CSMD1: variants seen among roughly 807,000 people sequenced by gnomAD.
The protein encoded by CSMD1 is CUB and sushi domain-containing protein 1.
In CSMD1, 213 loss-of-function variants were observed where a neutral mutation model predicts 417.5. That is an observed-to-expected ratio of 0.51 (90% CI 0.46 to 0.57). The LOEUF is 0.57. Ranked by LOEUF, CSMD1 falls within the 20% of genes least tolerant of loss-of-function variation. The pLI, the probability that CSMD1 is intolerant of heterozygous loss-of-function variation, is 0.00. For synonymous variants in CSMD1, 2,862 were observed against 1,736.8 expected, an observed-to-expected ratio of 1.65 and a Z score of -16.11; for missense variants, 6,923 against 4,529.7, an observed-to-expected ratio of 1.53 and a Z score of -15.17.
intron 2 of CSMD1, among the ~76,000 whole-genome samples, chr8:4,422,293 T>G (rs62481000): frequency 7.9e-5 from 12 of 151,932 alleles, no homozygotes; most frequent in African/African-American, 2.4e-4. Context: ...TTTTGTGGCA[T>G]TGACACTACC....
chr8:2,982,319 G>A (rs940964638), intron 54 of CSMD1, among the ~76,000 whole-genome samples: 2 of 152,170 alleles, frequency 1.3e-5, no homozygotes, highest in African/African-American at 4.8e-5. Context: ...TCATGCCACT[G>A]CACTGCAGCC....
chr8:3,305,173 C>T (rs903109769), intron 25 of CSMD1, among the ~76,000 whole-genome samples: 5 of 152,164 alleles, frequency 3.3e-5, no homozygotes, highest in African/African-American at 9.7e-5. Flanking sequence ...GTGTGAGCCG[C>T]TATGCCTGGC....
At chr8:4,556,468 C>G (rs1466872238) in intron 2 of CSMD1, among the ~76,000 whole-genome samples, 1 of 152,116 alleles carries the variant, frequency 6.6e-6, no homozygotes, top group East Asian at 1.9e-4. Flanking sequence ...ATATTGCTTG[C>G]TACAGTCTCA....
intron 10 of CSMD1, among the ~76,000 whole-genome samples, chr8:3,541,887 C>G (rs1338631355): frequency 1.3e-5 from 2 of 152,030 alleles, no homozygotes; most frequent in African/African-American, 4.8e-5. Context: ...AATGGCAAAA[C>G]CCCATCTCTA....
At chr8:3,522,662 G>A (rs1797555789) in intron 10 of CSMD1, among the ~76,000 whole-genome samples, 1 of 151,988 alleles carries the variant, frequency 6.6e-6, no homozygotes, top group Non-Finnish European at 1.5e-5. Flanking sequence ...TTTGTGACAT[G>A]TGAGTTTCAG....
intron 1 of CSMD1, among the ~76,000 whole-genome samples, chr8:4,700,534 C>A (rs553619095): frequency 1.3e-5 from 2 of 152,080 alleles, no homozygotes; most frequent in South Asian, 2.1e-4. Context: ...AATAGAGAGA[C>A]AAGATATTTC....
chr8:4,943,732 C>T (rs1260647216), intron 1 of CSMD1, among the ~76,000 whole-genome samples: 1 of 152,128 alleles, frequency 6.6e-6, no homozygotes, highest in African/African-American at 2.4e-5. Context: ...AGATATCCAT[C>T]ATGATGTGAT....
intron 3 of CSMD1, among the ~76,000 whole-genome samples, chr8:4,058,852 A>T (rs1269796741): frequency 6.6e-6 from 1 of 151,754 alleles, no homozygotes; most frequent in African/African-American, 2.4e-5. Context: ...GGGAGACTTT[A>T]ACACACCACT....
chr8:3,878,854 A>T (rs1806010757), intron 5 of CSMD1, among the ~76,000 whole-genome samples: 1 of 152,232 alleles, frequency 6.6e-6, no homozygotes, highest in Admixed American at 6.5e-5. Context: ...CTGGACACAA[A>T]CCATAATAAA....
At chr8:3,919,829 G>A (rs927403074) in intron 5 of CSMD1, among the ~76,000 whole-genome samples, 5 of 151,936 alleles carry the variant, frequency 3.3e-5, no homozygotes, top group Non-Finnish European at 7.4e-5. Flanking sequence ...ATAATTTTCA[G>A]TGTACAGATC....
intron 1 of CSMD1, among the ~76,000 whole-genome samples, chr8:4,838,079 T>A (rs375211189): frequency 6.6e-6 from 1 of 152,122 alleles, no homozygotes; most frequent in African/African-American, 2.4e-5. Flanking sequence ...ATAGTGGATT[T>A]GCCGGTAATA....
chr8:3,097,212 G>T (rs1357433775), intron 46 of CSMD1, among the ~76,000 whole-genome samples, 175 bp from the exon 47 acceptor site: 1 of 152,104 alleles, frequency 6.6e-6, no homozygotes, highest in African/African-American at 2.4e-5. Context: ...GAATAATCAT[G>T]AGAATTGTGC....
chr8:4,365,912 TTTA>T (rs1283153057), intron 3 of CSMD1, among the ~76,000 whole-genome samples: 1 of 152,200 alleles, frequency 6.6e-6, no homozygotes, highest in South Asian at 2.1e-4. Context: ...TCTTTAAAGT[TTTA>T]TTATTTTTTT....
chr8:4,057,037 T>A (rs1415097560), intron 3 of CSMD1, among the ~76,000 whole-genome samples: 1 of 152,226 alleles, frequency 6.6e-6, no homozygotes, highest in Non-Finnish European at 1.5e-5. Flanking sequence ...TTATAGTCCT[T>A]TGGGTATGTA....
chr8:3,244,152 T>C (rs1410264689), intron 26 of CSMD1, among the ~76,000 whole-genome samples: 4 of 152,186 alleles, frequency 2.6e-5, no homozygotes, highest in Non-Finnish European at 5.9e-5. Context: ...GAAGGAAAGC[T>C]GTTGGGTTCG....
At chr8:3,089,407 G>C (rs941400479) in intron 48 of CSMD1, among the ~76,000 whole-genome samples, 49 of 152,218 alleles carry the variant, frequency 3.2e-4, no homozygotes, top group South Asian at 1.9e-3. Context: ...TTACGGAATT[G>C]TCCAGAACCA....
intron 1 of CSMD1, among the ~76,000 whole-genome samples, chr8:4,899,978 T>C (rs1804760786): frequency 6.6e-6 from 1 of 152,126 alleles, no homozygotes; most frequent in Admixed American, 6.5e-5. Flanking sequence ...TGGGTCTTAT[T>C]TTTAGTCTAA....
At chr8:4,515,129 TG>T (rs1167299994) in intron 2 of CSMD1, among the ~76,000 whole-genome samples, 2 of 152,222 alleles carry the variant, frequency 1.3e-5, no homozygotes, top group African/African-American at 4.8e-5. Context: ...AGGAATTTAC[TG>T]GTCGGTGTGG....
At chr8:3,201,122 C>T (rs555596195) in intron 32 of CSMD1, among the ~76,000 whole-genome samples, 51 of 152,170 alleles carry the variant, frequency 3.4e-4, no homozygotes, top group African/African-American at 1.2e-3. Flanking sequence ...AATAACATTC[C>T]ATGTTTTATG....
Sources: allele counts gnomAD v4.1 joint callset (sites outside exome capture counted in the v4.1 genomes callset), GRCh38; gene constraint gnomAD v4.1.1; transcripts MANE v1.5; gene names NCBI Gene and HGNC (gene_info 2026-07-23, HGNC 2026-07-21).